The following MAPK10 variants were observed in gnomAD, a reference collection of about 807,000 sequenced individuals.
MAPK10 encodes JNK3 alpha protein kinase.
In MAPK10, 25 loss-of-function variants were observed where a neutral mutation model predicts 59.3. The ratio of observed to expected loss-of-function variants is 0.42; its 90% CI spans 0.31 to 0.59. The LOEUF (loss-of-function observed/expected upper bound fraction) is 0.59, where lower values mean the gene tolerates loss of function less well. Ranked by LOEUF, MAPK10 falls within the 20% of genes least tolerant of loss-of-function variation. The pLI is 0.15. For synonymous variants in MAPK10, 190 were observed against 200.5 expected (o/e 0.95, Z 0.44); for missense variants, 351 against 568.9 (o/e 0.62, Z 3.90).
intron 1 of MAPK10, among the ~76,000 whole-genome samples, chr4:86,403,186 A>G (rs1209928132): frequency 6.6e-6 from 1 of 152,096 alleles, no homozygotes; most frequent in African/African-American, 2.4e-5. Flanking sequence ...TGGTTATAAG[A>G]CTTAGAGCCT....
chr4:86,243,365 C>G (rs1423901997), intron 2 of MAPK10, among the ~76,000 whole-genome samples: 1 of 152,178 alleles, frequency 6.6e-6, no homozygotes, highest in Non-Finnish European at 1.5e-5. Context: ...ATATGACTAC[C>G]AGAGGAATCT....
At chr4:86,076,155 T>G (rs976352902) in intron 9 of MAPK10, among the ~76,000 whole-genome samples, 1 of 152,180 alleles carries the variant, frequency 6.6e-6, no homozygotes. Flanking sequence ...TGACCCGATT[T>G]TCCAGGTGCG....
At chr4:86,458,503 C>T (rs1751439917) in intron 1 of MAPK10, among the ~76,000 whole-genome samples, 1 of 152,030 alleles carries the variant, frequency 6.6e-6, no homozygotes. Context: ...CATCACATGA[C>T]CTGATTTCAA....
intron 9 of MAPK10, among the ~76,000 whole-genome samples, chr4:86,073,289 T>C (rs1373095218): frequency 6.6e-6 from 1 of 150,518 alleles, no homozygotes. Flanking sequence ...TCTCTTTTTT[T>C]CTTTATTAGT....
chr4:86,492,280 A>G lies in MAPK10; in HGVS notation c.-263+101630T>C, dbSNP rs143459439. ...GTAACACCAGCAGACAATTCAGTAC[A>G]GGAAAAGCAGGGTTTTATGAAGCAT... is the stretch of plus-strand genomic sequence containing the variant. On this transcript the variant is annotated intron_variant, in intron 1 of 4. Transcript: ENST00000502302. 3.3e-3 allele frequency among the ~76,000 whole-genome samples: 508 copies of G among 152,340 alleles called. 2 individuals are homozygous for G. Among genetic ancestry groups the G allele is most frequent in the African/African-American group, 0.012 (485 of 41,570 alleles).
chr4:86,249,726 T>C (rs1248610801), intron 2 of MAPK10, among the ~76,000 whole-genome samples: 1 of 152,174 alleles, frequency 6.6e-6, no homozygotes, highest in Non-Finnish European at 1.5e-5. Context: ...GGTGAATACA[T>C]TTTTATTGTA....
intron 1 of MAPK10, among the ~76,000 whole-genome samples, chr4:86,387,619 A>G (rs1356334871): frequency 6.6e-6 from 1 of 152,196 alleles, no homozygotes; most frequent in Non-Finnish European, 1.5e-5. Flanking sequence ...ATGTCTGTAC[A>G]TTATTCAAAA....
intron 1 of MAPK10, among the ~76,000 whole-genome samples, chr4:86,398,865 T>A (rs1046676090): frequency 6.6e-6 from 1 of 152,186 alleles, no homozygotes; most frequent in Admixed American, 6.5e-5. Context: ...AGCATTTAGT[T>A]TTCTGTTCCT....
intron 9 of MAPK10, among the ~76,000 whole-genome samples, chr4:86,076,662 A>G (rs1231322271): frequency 6.6e-6 from 1 of 152,226 alleles, no homozygotes. Context: ...ATATTCCTGT[A>G]AAACAATTAA....
intron 1 of MAPK10, among the ~76,000 whole-genome samples, chr4:86,539,239 T>G (rs1266233764): frequency 1.3e-5 from 2 of 152,014 alleles, no homozygotes; most frequent in African/African-American, 4.8e-5. Flanking sequence ...AGAGAGGGCA[T>G]CCAGAAAAAA....
Position 86,013,940 on chromosome 4 carries a change from G to C in MAPK10, c.*3288C>G, listed in dbSNP as rs1053017977. ...GGCTAGTGTATTCCTATTTAAAATT[G>C]AACACGCTGACCCACAAAACACATA... On this transcript the variant is annotated 3_prime_UTR_variant, in exon 14 of 14. Transcript: ENST00000641462. The C allele has an allele frequency of 6.6e-6, 1 of 152,128 alleles. No individual in the cohort carries two copies. The highest frequency in any genetic ancestry group is 1.5e-5 in the Non-Finnish European group (1 of 68,034). 9.4% of individuals were successfully genotyped at this position (152,128 alleles called of 1,614,324 possible).
chr4:86,360,010 T>C lies in MAPK10; in HGVS notation c.-474A>G, dbSNP rs1255926070. ...GGCTTGCTGAATCACCCTCTTTCAC[T>C]GCCTGGAAACCATTGTGCAGCGTGA... On this transcript the variant is annotated 5_prime_UTR_variant, in exon 1 of 14. Coordinates refer to ENST00000641462, the MANE Select transcript of MAPK10 (RefSeq NM_138982.4). 1 of 985,796 alleles carries C rather than the reference T, an allele frequency of 1.0e-6. No homozygotes were observed. Among genetic ancestry groups the C allele is most frequent in the Non-Finnish European group, 1.2e-6 (1 of 829,982 alleles). 61.1% of individuals were successfully genotyped at this position (985,796 alleles called of 1,614,324 possible).
Position 86,010,515 on chromosome 4 carries a change from C to T in MAPK10, c.*6713G>A, listed in dbSNP as rs1247361306. ...AATGTTTTTGGAGTAAATTAATGAACTGCTTTAGAATGTTGCTCAGAAATT... is the reference window on the plus strand; with the variant it reads ...AATGTTTTTGGAGTAAATTAATGAATTGCTTTAGAATGTTGCTCAGAAATT... On this transcript the variant is annotated 3_prime_UTR_variant, in exon 14 of 14. Transcript: ENST00000641462. 6.6e-6 allele frequency: 1 copy of T among 152,096 alleles called. No homozygotes were observed. The highest frequency in any genetic ancestry group is 2.4e-5 in the African/African-American group (1 of 41,410). 9.4% of individuals were successfully genotyped at this position (152,096 alleles called of 1,614,324 possible).
chr4:86,572,669 A>G (rs1761553808), intron 1 of MAPK10, among the ~76,000 whole-genome samples: 1 of 152,218 alleles, frequency 6.6e-6, no homozygotes, highest in South Asian at 2.1e-4. Context: ...TCTTTTGAGC[A>G]TGAGGCCCTG....
At chr4:86,211,341 G>A (rs76894746) in intron 2 of MAPK10, among the ~76,000 whole-genome samples, 12,886 of 151,940 alleles carry the variant, frequency 0.085, 1,200 homozygotes, top group African/African-American at 0.23. Flanking sequence ...AGAAAGAAGT[G>A]ATTCAGCACA....
At chr4:86,565,935 T>C (rs774620089) in intron 1 of MAPK10, among the ~76,000 whole-genome samples, 16 of 152,214 alleles carry the variant, frequency 1.1e-4, no homozygotes, top group Admixed American at 2.6e-4. Context: ...CTTTCTACTT[T>C]CATGGTTTTG....
Position 86,209,058 on chromosome 4 carries a change from A to G in MAPK10, c.-6-14651T>C, listed in dbSNP as rs539730562. ...GAAGGTATGTGAACTAAACAAATCA[A>G]TGGTTCCACTTGTATGTATCTACAC... is the stretch of plus-strand genomic sequence containing the variant. On this transcript the variant is annotated intron_variant, in intron 2 of 13. Coordinates refer to ENST00000641462, the MANE Select transcript of MAPK10 (RefSeq NM_138982.4). Among the ~76,000 whole-genome samples, 7 of 152,186 alleles carry G rather than the reference A, an allele frequency of 4.6e-5. No individual in the cohort carries two copies. The East Asian group carries it at 9.6e-4, about 21-fold the overall frequency.
At chr4:86,037,737 A>G (rs527641419) in intron 11 of MAPK10, among the ~76,000 whole-genome samples, 1 of 152,322 alleles carries the variant, frequency 6.6e-6, no homozygotes, top group Admixed American at 6.5e-5. Flanking sequence ...TCAATTTTCA[A>G]ATGAGAATAT....
rs530609892 is a variant in MAPK10, at chr4:86,213,193, C to T, written c.-6-18786G>A. The stretch of plus-strand genomic sequence containing the variant: ...CAACATAACAAAACCTATAAGCCAC[C>T]ACAAAAGCAATGCTAAGGGAGAAAT... On this transcript the variant is annotated intron_variant, in intron 2 of 13. Transcript: ENST00000641462. Among the ~76,000 whole-genome samples, 21 of 152,056 alleles carry T rather than the reference C, an allele frequency of 1.4e-4. No homozygotes were observed. The South Asian group carries it at 4.4e-3, about 32-fold the overall frequency.
Sources: gnomAD v4.1 joint callset for allele counts (sites outside exome capture counted in the v4.1 genomes callset) on GRCh38, gnomAD v4.1.1 for gene constraint, MANE v1.5 for transcripts, NCBI Gene and HGNC (gene_info 2026-07-23, HGNC 2026-07-21) for gene names.